Variants in NPAS3 observed in about 807,000 individuals in gnomAD.
NPAS3 encodes neuronal PAS domain-containing protein 3.
Under a neutral mutation model 73.1 loss-of-function variants are expected in NPAS3, and 14 were observed. That is an observed-to-expected ratio of 0.19 (90% confidence interval 0.13 to 0.30). The LOEUF is 0.30. Ranked by LOEUF, NPAS3 falls within the 10% of genes least tolerant of loss-of-function variation. The probability of loss-of-function intolerance (pLI) is 1.00; values close to 1 mark genes in which losing one functional copy is unlikely to be tolerated. For missense variants in NPAS3, 1,096 were observed against 1,250.0 expected, an observed-to-expected ratio of 0.88 and a Z score of 1.86; for synonymous variants, 620 against 541.5, an observed-to-expected ratio of 1.14 and a Z score of -2.01.
intron 4 of NPAS3, among the ~76,000 whole-genome samples, chr14:33,490,090 C>CT (rs1256942332): frequency 1.4e-4 from 22 of 152,112 alleles, no homozygotes; most frequent in African/African-American, 5.3e-4. Flanking sequence ...AAAAAGTTCT[C>CT]TTTGTGCAAG....
chr14:33,148,760 C>T (rs2044337638), intron 2 of NPAS3, among the ~76,000 whole-genome samples: 1 of 152,072 alleles, frequency 6.6e-6, no homozygotes, highest in Non-Finnish European at 1.5e-5. Flanking sequence ...GATCAAAGCT[C>T]CCTGTAAGCC....
At chr14:33,500,114 G>A (rs1005293826) in intron 4 of NPAS3, among the ~76,000 whole-genome samples, 2 of 151,918 alleles carry the variant, frequency 1.3e-5, no homozygotes, top group African/African-American at 4.8e-5. Flanking sequence ...GTTTGAGGAA[G>A]GCACCTAACC....
intron 1 of NPAS3, among the ~76,000 whole-genome samples, chr14:33,025,342 G>A (rs1413858806): frequency 6.6e-6 from 1 of 152,202 alleles, no homozygotes; most frequent in Non-Finnish European, 1.5e-5. Context: ...TTGCTGGCTT[G>A]TTGCCAGAAT....
intron 2 of NPAS3, among the ~76,000 whole-genome samples, chr14:33,072,361 T>C (rs1331089666): frequency 2.6e-5 from 4 of 152,218 alleles, no homozygotes; most frequent in African/African-American, 9.6e-5. Flanking sequence ...TCTAGTATTA[T>C]CACAGAGCAG....
chr14:33,077,948 G>A (rs910166591), intron 2 of NPAS3, among the ~76,000 whole-genome samples: 2 of 151,678 alleles, frequency 1.3e-5, no homozygotes, highest in Non-Finnish European at 2.9e-5. Context: ...GACCAGCCTG[G>A]GCAACATGGT....
At chr14:33,331,108 A>G (rs750336478) in intron 3 of NPAS3, among the ~76,000 whole-genome samples, 20 of 152,208 alleles carry the variant, frequency 1.3e-4, no homozygotes, top group Non-Finnish European at 2.6e-4. Flanking sequence ...TATATGCTGC[A>G]TCGTAACTCT....
At chr14:33,629,521 A>G (rs2058320147) in intron 5 of NPAS3, among the ~76,000 whole-genome samples, 1 of 151,694 alleles carries the variant, frequency 6.6e-6, no homozygotes, top group South Asian at 2.1e-4. Context: ...GACTGAAGAA[A>G]CTAATGATAG....
chr14:33,642,446 G>C (rs763094539), intron 5 of NPAS3, among the ~76,000 whole-genome samples: 3 of 152,186 alleles, frequency 2.0e-5, no homozygotes, highest in Non-Finnish European at 2.9e-5. Flanking sequence ...AAGGGAGAGA[G>C]AACAATGGCC....
chr14:33,159,185 T>A lies in NPAS3; in HGVS notation c.141-55997T>A, dbSNP rs545274289. ...CTCAAAAAAAATAAATAAATAAAAT[T>A]AAATTAAAAACCAAAATATTACTGT... On this transcript the variant is annotated intron_variant, in intron 2 of 11. Transcript: ENST00000356141. Among the ~76,000 whole-genome samples the A allele has an allele frequency of 2.5e-4, 38 of 152,118 alleles. No homozygotes were observed. In the South Asian group the frequency reaches 7.3e-3, roughly 29 times the overall value.
chr14:32,938,959 G>A (rs2035831763), upstream of NPAS3, among the ~76,000 whole-genome samples: 1 of 146,116 alleles, frequency 6.8e-6, no homozygotes, highest in Non-Finnish European at 1.5e-5. Context: ...CGCATGGACG[G>A]CGGCGGCGCC....
chr14:33,702,164 A>G (rs2060540719), intron 6 of NPAS3, among the ~76,000 whole-genome samples: 1 of 152,208 alleles, frequency 6.6e-6, no homozygotes, highest in Admixed American at 6.5e-5. Context: ...TGCTCTTTCA[A>G]ATTCTCTTTA....
At chr14:33,693,289 A>T (rs1271346327) in intron 6 of NPAS3, among the ~76,000 whole-genome samples, 5 of 152,180 alleles carry the variant, frequency 3.3e-5, no homozygotes, top group African/African-American at 1.2e-4. Flanking sequence ...AACTGTTATG[A>T]CCAATCCCTG....
chr14:33,762,190 T>C (rs2140834189), intron 7 of NPAS3, among the ~76,000 whole-genome samples: 1 of 152,364 alleles, frequency 6.6e-6, no homozygotes, highest in Admixed American at 6.5e-5. Flanking sequence ...CTGTATTGTA[T>C]GCTAAACCAT....
At chr14:33,066,072 A>G (rs145132810) in intron 2 of NPAS3, among the ~76,000 whole-genome samples, 300 of 152,142 alleles carry the variant, frequency 2.0e-3, no homozygotes, top group African/African-American at 6.6e-3. Context: ...TGTAGGGGAG[A>G]TCCTTGTTCA....
chr14:33,575,194 G>A (rs1345274985), intron 5 of NPAS3, among the ~76,000 whole-genome samples: 1 of 151,992 alleles, frequency 6.6e-6, no homozygotes, highest in Non-Finnish European at 1.5e-5. Context: ...ATTTAACATA[G>A]CTTGTTAACC....
chr14:33,285,283 T>A (rs552160505), intron 3 of NPAS3, among the ~76,000 whole-genome samples: 32 of 152,096 alleles, frequency 2.1e-4, no homozygotes, highest in Non-Finnish European at 4.1e-4. Flanking sequence ...TACACACAGA[T>A]GAAAAAATGA....
At chr14:33,222,406 G>T (rs1329657888) in intron 3 of NPAS3, among the ~76,000 whole-genome samples, 2 of 152,144 alleles carry the variant, frequency 1.3e-5, no homozygotes, top group African/African-American at 4.8e-5. Context: ...ATACTTCACA[G>T]TATCACATTC....
chr14:33,505,440 A>T (rs1001085374), intron 4 of NPAS3, among the ~76,000 whole-genome samples: 4 of 152,010 alleles, frequency 2.6e-5, no homozygotes, highest in Admixed American at 2.0e-4. Context: ...AAGAAAGCCC[A>T]CTTGCTGGAA....
chr14:33,463,672 C>T (rs982667542), intron 4 of NPAS3, among the ~76,000 whole-genome samples: 1 of 152,090 alleles, frequency 6.6e-6, no homozygotes, highest in Non-Finnish European at 1.5e-5. Flanking sequence ...TAAACTGAGG[C>T]AAAGAAAATA....
Sources: allele counts gnomAD v4.1 joint callset (sites outside exome capture counted in the v4.1 genomes callset), GRCh38; gene constraint gnomAD v4.1.1; transcripts MANE v1.5; gene names NCBI Gene and HGNC (gene_info 2026-07-23, HGNC 2026-07-21).